FAT1: variants seen among roughly 807,000 people sequenced by gnomAD.
FAT1 encodes protocadherin Fat 1.
In FAT1, 171 loss-of-function variants were observed where a neutral mutation model predicts 329.8. The ratio of observed to expected loss-of-function variants is 0.52; its 90% CI spans 0.46 to 0.59. FAT1 has a LOEUF of 0.59. Among genes scored for constraint, FAT1 ranks in the 20% least tolerant of loss-of-function variants. FAT1 has a pLI of 0.00. For synonymous variants in FAT1, 2,233 were observed against 2,228.6 expected (o/e 1.00, Z -0.06); for missense variants, 5,672 against 5,774.4 (o/e 0.98, Z 0.57).
chr4:186,686,242 C>CCCCA (rs1553998100), intron 2 of FAT1, among the ~76,000 whole-genome samples: 2 of 146,940 alleles, frequency 1.4e-5, no homozygotes, highest in African/African-American at 5.0e-5. Context: ...ATTTTCACCC[C>CCCCA]CCCCCGACAT....
chr4:186,629,298 T>C (rs758987923), intron 7 of FAT1, among the ~76,000 whole-genome samples: 1 of 152,234 alleles, frequency 6.6e-6, no homozygotes, highest in African/African-American at 2.4e-5. Flanking sequence ...GAAATCACTG[T>C]ATTTCTGTGA....
At chr4:186,687,355 A>G (rs1241713159) in intron 2 of FAT1, among the ~76,000 whole-genome samples, 1 of 152,216 alleles carries the variant, frequency 6.6e-6, no homozygotes, top group Non-Finnish European at 1.5e-5. Flanking sequence ...GGGCACTCAC[A>G]AACTGCTGAT....
At position 186,663,240 on chromosome 4, in the gene FAT1, T is replaced by C. The variant is rs570531697; in HGVS notation, c.3580+59A>G. 6 of 1,284,720 alleles carry C rather than the reference T, an allele frequency of 4.7e-6. No individual in the cohort carries two copies. In the Admixed American group the frequency reaches 1.1e-4, roughly 23 times the overall value. The allele number at this position is 1,284,720 out of a possible 1,614,324, so 79.6% of individuals were successfully genotyped here. A position where few individuals can be genotyped will look rare whatever the true frequency, so the allele number is the denominator to read the frequency against. ...TAACAGATAAATGCTAATTCTTACTTTTCCCCCTAACAGAAAAGCATAAGC... is the reference window on the plus strand; with the variant it reads ...TAACAGATAAATGCTAATTCTTACTCTTCCCCCTAACAGAAAAGCATAAGC... On this transcript the variant is annotated intron_variant, in intron 3 of 26. Coordinates refer to ENST00000441802, the MANE Select transcript of FAT1 (RefSeq NM_005245.4).
At chr4:186,726,263 G>T (rs970088194), upstream of FAT1, 1 of 152,210 alleles carries the variant, frequency 6.6e-6, no homozygotes, top group African/African-American at 2.4e-5. Context: ...ACGCTTCCCC[G>T]CACTCGCTTA....
intron 2 of FAT1, among the ~76,000 whole-genome samples, chr4:186,705,106 ATT>A (rs761512523): frequency 3.6e-4 from 43 of 120,166 alleles, no homozygotes; most frequent in African/African-American, 5.1e-4. Context: ...CCACCCCAGC[ATT>A]TTTTTTTTTT....
At chr4:186,685,230 G>A (rs569181226) in intron 2 of FAT1, among the ~76,000 whole-genome samples, 2 of 152,260 alleles carry the variant, frequency 1.3e-5, no homozygotes, top group South Asian at 4.1e-4. Flanking sequence ...GGAAGAATAA[G>A]TCTTACATTT....
chr4:186,598,214 C>T (rs953287921), intron 22 of FAT1, 89 bp from the exon 23 acceptor site: 49 of 1,266,616 alleles, frequency 3.9e-5, no homozygotes, highest in East Asian at 5.3e-5. Context: ...CTTTATTCTC[C>T]GAGGTCTGTA....
rs116537486 is a variant in FAT1, at chr4:186,690,033, T to C, written c.3265+16530A>G. On this transcript the variant is annotated intron_variant, in intron 2 of 26. Transcript: ENST00000441802. ...GCCCCTTCCTCAGTTACTATTCAAT[T>C]ACATTTTCCCTATCCCTATAGGATA... 4.2e-3 allele frequency among the ~76,000 whole-genome samples: 633 copies of C among 152,326 alleles called. 5 individuals carry two copies. The highest frequency in any genetic ancestry group is 0.01 in the Middle Eastern group (3 of 294).
At chr4:186,668,901 T>C (rs568482732) in intron 2 of FAT1, among the ~76,000 whole-genome samples, 2 of 152,324 alleles carry the variant, frequency 1.3e-5, no homozygotes, top group East Asian at 1.9e-4. Flanking sequence ...CTCAAACCTC[T>C]ATCCCTGTCT....
chr4:186,610,636 ATTTATATAATTT>A lies in FAT1; in HGVS notation c.9854-633_9854-622del, dbSNP rs1560931643. On this transcript the variant is annotated intron_variant, in intron 14 of 26. Coordinates refer to ENST00000441802, the MANE Select transcript of FAT1 (RefSeq NM_005245.4). ...AAATTATATAAATATAAATTATATA[ATTTATATAATTT>A]ATATAAATATAAATTATATAATTTA... Among the ~76,000 whole-genome samples, 6 of 116,328 alleles carry A rather than the reference ATTTATATAATTT, an allele frequency of 5.2e-5. No individual in the cohort carries two copies. The East Asian group carries it at 8.4e-4, about 16-fold the overall frequency. 76.3% of individuals were successfully genotyped at this position (116,328 alleles called of 152,430 possible). A position where few individuals can be genotyped will look rare whatever the true frequency, so the allele number is the denominator to read the frequency against.
At chr4:186,687,287 C>G (rs763165917) in intron 2 of FAT1, among the ~76,000 whole-genome samples, 1 of 152,162 alleles carries the variant, frequency 6.6e-6, no homozygotes, top group African/African-American at 2.4e-5. Context: ...AATCTGCCAT[C>G]ATTTTGATTT....
In FAT1 at chr4:186,609,321, C is replaced by T; in HGVS notation, c.10069-1G>A. 1 of 1,613,702 alleles carries T rather than the reference C, an allele frequency of 6.2e-7. No homozygotes were observed. Among genetic ancestry groups the T allele is most frequent in the Non-Finnish European group, 8.5e-7 (1 of 1,179,760 alleles). On this transcript the variant is annotated splice_acceptor_variant, in intron 15 of 26. Transcript: ENST00000441802. LOFTEE classifies it high-confidence loss of function. ...GTCCATCGGCATCATCGGCCATAAC[C>T]TAGAACACACCACACTCCTGTTTAG...
intron 3 of FAT1, among the ~76,000 whole-genome samples, chr4:186,656,923 AGC>A (rs1741929262): frequency 2.6e-5 from 4 of 152,184 alleles, no homozygotes. Context: ...TAAAAGCAAT[AGC>A]TGACCTTCCA....
intron 3 of FAT1, among the ~76,000 whole-genome samples, chr4:186,653,751 C>T (rs1741776465): frequency 6.6e-6 from 1 of 152,176 alleles, no homozygotes; most frequent in Admixed American, 6.5e-5. Context: ...CACAGCGGTG[C>T]TCACTCATTT....
At chr4:186,670,997 T>C (rs1742700746) in intron 2 of FAT1, among the ~76,000 whole-genome samples, 1 of 152,162 alleles carries the variant, frequency 6.6e-6, no homozygotes, top group African/African-American at 2.4e-5. Flanking sequence ...CGTGAGAAGC[T>C]GGGGCAGGGA....
chr4:186,630,491 G>C (rs1270563208), intron 7 of FAT1, among the ~76,000 whole-genome samples: 1 of 152,100 alleles, frequency 6.6e-6, no homozygotes, highest in African/African-American at 2.4e-5. Context: ...AGCTCCTTTT[G>C]GTCAGAAGAA....
chr4:186,705,427 A>G (rs1293952066), intron 2 of FAT1, among the ~76,000 whole-genome samples: 1 of 152,214 alleles, frequency 6.6e-6, no homozygotes, highest in African/African-American at 2.4e-5. Context: ...ACAGATTTAT[A>G]AAGTACACAT....
intron 16 of FAT1, among the ~76,000 whole-genome samples, chr4:186,606,648 G>T (rs1221180020): frequency 6.6e-6 from 1 of 152,054 alleles, no homozygotes; most frequent in Non-Finnish European, 1.5e-5. Context: ...GCACCTTAGC[G>T]CTGACTCATT....
At chr4:186,716,286 C>A (rs1445287417) in intron 1 of FAT1, among the ~76,000 whole-genome samples, 1 of 152,112 alleles carries the variant, frequency 6.6e-6, no homozygotes, top group East Asian at 1.9e-4. Context: ...CTGTGTTCTC[C>A]CTCACTGTGC....
Sources: allele counts gnomAD v4.1 joint callset (sites outside exome capture counted in the v4.1 genomes callset), GRCh38; gene constraint gnomAD v4.1.1; transcripts MANE v1.5; gene names NCBI Gene and HGNC (gene_info 2026-07-23, HGNC 2026-07-21).